HEATR4: variants seen among roughly 807,000 people sequenced by gnomAD.
HEATR4 encodes the protein HEAT repeat containing 4.
HEATR4 carries 95 observed loss-of-function variants against 108.8 expected under a neutral mutation model. That is an observed-to-expected ratio of 0.87 (90% CI 0.74 to 1.04). HEATR4 has a LOEUF of 1.04. HEATR4 is among the 50% of genes least tolerant of loss of function. The probability of loss-of-function intolerance (pLI) is 0.00; values close to 1 mark genes in which losing one functional copy is unlikely to be tolerated. For missense variants in HEATR4, 1,152 were observed against 1,253.8 expected, an observed-to-expected ratio of 0.92 and a Z score of 1.23; for synonymous variants, 443 against 459.4, an observed-to-expected ratio of 0.96 and a Z score of 0.46.
chr14:73,595,159 T>C, the HEATR4 span: 1 of 1,614,254 alleles, frequency 6.2e-7, no homozygotes, highest in South Asian at 1.1e-5. Flanking sequence ...TCAATGGATC[T>C]GGGATCAGTG....
At chr14:73,589,524 G>A in the HEATR4 span, among the ~76,000 whole-genome samples, 1 of 152,086 alleles carries the variant, frequency 6.6e-6, no homozygotes, top group Non-Finnish European at 1.5e-5. Context: ...TCACCATGTT[G>A]GACAGGCTCG....
Position 73,519,127 on chromosome 14 carries a change from C to G in HEATR4, c.1106G>C (p.Arg369Thr), listed in dbSNP as rs764228788. ...TAGGTTTTCCAGGACAATCTGGTCT[C>G]TCTTTGCACCAATCTGGTGGATGAT... is the stretch of plus-strand genomic sequence containing the variant. ...VQIIHQIGAK[R>T]DQIVLENLNR... Residue 369 changes from arginine (R) to threonine (T), a missense_variant, in exon 5 of 18, where the codon AGA (arginine) becomes ACA (threonine). Transcript: ENST00000553558. 1 of 1,613,808 alleles carries G rather than the reference C, an allele frequency of 6.2e-7. No homozygotes were observed. The highest frequency in any genetic ancestry group is 8.5e-7 in the Non-Finnish European group (1 of 1,179,866).
chr14:73,564,707 GTCTTA>G, the HEATR4 span, among the ~76,000 whole-genome samples: 2 of 137,462 alleles, frequency 1.5e-5, no homozygotes, highest in African/African-American at 2.7e-5. Flanking sequence ...TAATTTTCAT[GTCTTA>G]TCTTTTCTGT....
At chr14:73,612,549 G>T in the HEATR4 span, 1 of 1,293,954 alleles carries the variant, frequency 7.7e-7, no homozygotes, top group African/African-American at 1.6e-5. Context: ...GAGCTGGGTC[G>T]CCCCTGTTCT....
chr14:73,492,919 T>C lies in HEATR4; in HGVS notation c.2844+147A>G. 6.2e-7 allele frequency: 1 copy of C among 1,613,334 alleles called. No individual in the cohort carries two copies. The highest frequency in any genetic ancestry group is 8.5e-7 in the Non-Finnish European group (1 of 1,179,754). On this transcript the variant is annotated intron_variant, in intron 17 of 17. Coordinates refer to ENST00000553558, the MANE Select transcript of HEATR4 (RefSeq NM_001220484.1). The surrounding 1 kb of genome is among the most constrained non-coding windows in gnomAD (Gnocchi z 4.9). ...TGTATGATAAGGGGCTGCTGCTCAC[T>C]AAGATGCCTCTAGCCCTAAATTAGT...
At chr14:73,619,360 G>A in the HEATR4 span, 10 of 1,614,148 alleles carry the variant, frequency 6.2e-6, no homozygotes, top group South Asian at 1.1e-4. Flanking sequence ...CAACACAGTA[G>A]CTCCTCTACA....
intron 1 of HEATR4, among the ~76,000 whole-genome samples, chr14:73,551,689 T>C (rs1262456378): frequency 2.0e-4 from 22 of 110,060 alleles, no homozygotes; most frequent in African/African-American, 5.7e-4. Context: ...GCACCTGTAG[T>C]CCCAGCTACT....
rs570999213 is a variant in HEATR4, at chr14:73,513,027, G to T, written c.1415-878C>A. Among the ~76,000 whole-genome samples, 28 of 152,334 alleles carry T rather than the reference G, an allele frequency of 1.8e-4. No individual in the cohort carries two copies. The East Asian group carries it at 1.9e-3, about 10-fold the overall frequency. ...ATCTTTGAAGGCAAAGTAGGTATAG[G>T]ATAGCCCCAACTCTACGAATGAATT... On this transcript the variant is annotated intron_variant, in intron 6 of 17. Transcript: ENST00000553558.
At chr14:73,584,836 T>A in the HEATR4 span, among the ~76,000 whole-genome samples, 749 of 148,714 alleles carry the variant, frequency 5.0e-3, no homozygotes, top group African/African-American at 0.018. Context: ...CAAATCAACC[T>A]CCCCATGTCC....
chr14:73,612,874 CT>C, the HEATR4 span: 1 of 1,401,356 alleles, frequency 7.1e-7, no homozygotes, highest in Non-Finnish European at 9.5e-7. Context: ...TGCGGACGCC[CT>C]TCGCCGTGGA....
the HEATR4 span, among the ~76,000 whole-genome samples, chr14:73,567,054 G>A: frequency 3.3e-5 from 5 of 151,746 alleles, no homozygotes; most frequent in Admixed American, 6.6e-5. Context: ...TGATCCACCC[G>A]CCTCAGCCTC....
At chr14:73,567,048 C>T in the HEATR4 span, among the ~76,000 whole-genome samples, 1 of 151,780 alleles carries the variant, frequency 6.6e-6, no homozygotes, top group East Asian at 1.9e-4. Context: ...ACCTCATGAT[C>T]CACCCGCCTC....
At chr14:73,573,273 G>A in the HEATR4 span, 334 of 1,456,742 alleles carry the variant, frequency 2.3e-4, 2 homozygotes, top group Non-Finnish European at 1.4e-4. Flanking sequence ...CTCGTGGGTA[G>A]ATACCTAGGA....
the HEATR4 span, among the ~76,000 whole-genome samples, chr14:73,603,515 C>G: frequency 6.6e-6 from 1 of 151,858 alleles, no homozygotes; most frequent in Non-Finnish European, 1.5e-5. Context: ...CTACCATGCC[C>G]TGCTAATTTT....
rs1413951004 is a variant in HEATR4, at chr14:73,514,142, T to C, written c.1303A>G (p.Ile435Val). ...LLQVGEKDVPIKTRRLKKQAK... is the reference protein window; with the variant it reads ...LLQVGEKDVPVKTRRLKKQAK... ...TGCTTCTTCAATCTCCTGGTCTTAA[T>C]AGGCACATCCTTCTCACCCACCTGC... Residue 435 changes from isoleucine to valine, a missense_variant, in exon 6 of 18, where the codon ATT becomes GTT. Ile to Val is a conservative substitution (Grantham distance 29). Coordinates refer to ENST00000553558, the MANE Select transcript of HEATR4 (RefSeq NM_001220484.1). The C allele has an allele frequency of 6.2e-7, 1 of 1,614,178 alleles. No individual in the cohort carries two copies. The highest frequency in any genetic ancestry group is 1.1e-5 in the South Asian group (1 of 91,086).
rs1412083771 is a variant in HEATR4 at position 73,492,768 on chromosome 14, G to A, written c.2844+298C>T. On this transcript the variant is annotated intron_variant, in intron 17 of 17. Transcript: ENST00000553558. The surrounding 1 kb of genome is among the most constrained non-coding windows in gnomAD (Gnocchi z 4.9). ...GTGTATCATCTGGAAGAACCCAAGT[G>A]CTTGGAAATATACCCCCAGCAAGCT... 1.2e-6 allele frequency: 2 copies of A among 1,613,958 alleles called. No individual in the cohort carries two copies. Among genetic ancestry groups the A allele is most frequent in the Non-Finnish European group, 8.5e-7 (1 of 1,179,900 alleles).
chr14:73,561,829 T>C (rs1017797523), upstream of HEATR4, among the ~76,000 whole-genome samples: 3 of 150,706 alleles, frequency 2.0e-5, no homozygotes, highest in African/African-American at 7.3e-5. Flanking sequence ...TACAAAAAAC[T>C]TAAAAAGTAT....
intron 17 of HEATR4, among the ~76,000 whole-genome samples, chr14:73,490,523 G>A (rs1389733354): frequency 2.0e-5 from 3 of 151,966 alleles, no homozygotes; most frequent in African/African-American, 7.3e-5. Context: ...GGGTTTCACC[G>A]TGTTAGCCAG....
intron 17 of HEATR4, 22 bp from the exon 18 acceptor site, chr14:73,478,864 T>C: frequency 6.4e-7 from 1 of 1,564,280 alleles, no homozygotes; most frequent in Non-Finnish European, 8.7e-7. Context: ...CATGAAAACA[T>C]GAGTGCATAT....
Sources: allele counts gnomAD v4.1 joint callset (sites outside exome capture counted in the v4.1 genomes callset), GRCh38; gene constraint gnomAD v4.1.1; non-coding constraint Gnocchi (gnomAD v3.1); transcripts MANE v1.5; gene names NCBI Gene and HGNC (gene_info 2026-07-23, HGNC 2026-07-21).